The following BNC2 variants were observed in gnomAD, a reference collection of about 807,000 sequenced individuals.
The protein encoded by BNC2 is zinc finger protein basonuclin-2.
In BNC2, 20 loss-of-function variants were observed where a neutral mutation model predicts 76.3. The ratio of observed to expected loss-of-function variants is 0.26; its 90% CI spans 0.18 to 0.38. BNC2 has a LOEUF of 0.38. Among genes scored for constraint, BNC2 ranks in the 10% least tolerant of loss-of-function variants. The pLI is 1.00. For synonymous variants in BNC2, 582 were observed against 514.8 expected (o/e 1.13, Z -1.77); for missense variants, 1,382 against 1,399.8 (o/e 0.99, Z 0.20).
chr9:16,613,933 G>C (rs1377809440), intron 3 of BNC2, among the ~76,000 whole-genome samples: 2 of 152,142 alleles, frequency 1.3e-5, no homozygotes, highest in Admixed American at 1.3e-4. Flanking sequence ...CAAAAGAAAG[G>C]TAACAGTCAC....
chr9:16,806,297 G>A (rs914605386), intron 1 of BNC2, among the ~76,000 whole-genome samples: 6 of 152,086 alleles, frequency 3.9e-5, no homozygotes, highest in Admixed American at 2.0e-4. Context: ...GCAACATGGT[G>A]GGATCACTGC....
chr9:16,460,460 T>C (rs1387502303), intron 5 of BNC2, among the ~76,000 whole-genome samples: 2 of 152,078 alleles, frequency 1.3e-5, no homozygotes, highest in Admixed American at 1.3e-4. Context: ...CCGTCTCTAC[T>C]AAAAATACAA....
chr9:16,479,828 A>T (rs1049771687), intron 5 of BNC2, among the ~76,000 whole-genome samples: 1 of 152,172 alleles, frequency 6.6e-6, no homozygotes, highest in African/African-American at 2.4e-5. Context: ...GTTTATTTTA[A>T]TAGCTCGGCA....
intron 4 of BNC2, among the ~76,000 whole-genome samples, chr9:16,567,931 G>A (rs1819213826): frequency 6.6e-6 from 1 of 152,164 alleles, no homozygotes; most frequent in Admixed American, 6.6e-5. Context: ...TGTACGAAAA[G>A]GGTCTAAATG....
At chr9:16,572,833 A>G (rs1026534077) in intron 4 of BNC2, among the ~76,000 whole-genome samples, 3 of 152,114 alleles carry the variant, frequency 2.0e-5, no homozygotes, top group Admixed American at 2.0e-4. Context: ...GGATTATCAC[A>G]CCAATTCTAA....
intron 4 of BNC2, among the ~76,000 whole-genome samples, chr9:16,559,959 G>A (rs1259977778): frequency 1.3e-5 from 2 of 152,236 alleles, no homozygotes; most frequent in East Asian, 3.8e-4. Context: ...ACAGAAGAGA[G>A]GGCAATGCTG....
intron 1 of BNC2, among the ~76,000 whole-genome samples, chr9:16,793,788 C>T (rs1158170914): frequency 6.7e-5 from 10 of 150,178 alleles, no homozygotes; most frequent in African/African-American, 2.4e-4. Flanking sequence ...GCCTCAGCCT[C>T]CCGAGTAGCT....
In BNC2 at chr9:16,674,526, T is replaced by C. The variant is rs1822578717; in HGVS notation, c.330+53271A>G. On this transcript the variant is annotated intron_variant, in intron 3 of 6. Coordinates refer to ENST00000380672, the MANE Select transcript of BNC2 (RefSeq NM_017637.6). ...GATAGTCTCAGTGTAGGGAAGAAGA[T>C]GTGTGTTTACTTATTTAATCAGGCA... Among the ~76,000 whole-genome samples, 2 of 151,998 alleles carry C rather than the reference T, an allele frequency of 1.3e-5. 1 individual carries two copies. The highest frequency in any genetic ancestry group is 2.9e-5 in the Non-Finnish European group (2 of 67,952).
rs1818720661 is a variant in BNC2 at position 16,836,911 on chromosome 9, AAC to A, written c.3+33733_3+33734del. Among the ~76,000 whole-genome samples, 4 of 152,292 alleles carry A rather than the reference AAC, an allele frequency of 2.6e-5. No homozygotes were observed. In the South Asian group the frequency reaches 8.3e-4, roughly 32 times the overall value. On this transcript the variant is annotated intron_variant, in intron 1 of 6. Transcript: ENST00000380672. ...TGAGTGATAGCAGGCCACTTATATT[AAC>A]AGTGACAACTACATGTCTAAAAGGT...
At chr9:16,482,097 A>C (rs1201423923) in intron 5 of BNC2, among the ~76,000 whole-genome samples, 1 of 152,210 alleles carries the variant, frequency 6.6e-6, no homozygotes, top group African/African-American at 2.4e-5. Flanking sequence ...GTCAGTAATA[A>C]AAATATTAGT....
intron 5 of BNC2, among the ~76,000 whole-genome samples, chr9:16,488,846 C>CA (rs1210601963): frequency 6.6e-6 from 1 of 151,906 alleles, no homozygotes; most frequent in African/African-American, 2.4e-5. Flanking sequence ...AAAAAAAACC[C>CA]AAAAAACTGA....
At chr9:16,475,227 G>T (rs1208374496) in intron 5 of BNC2, among the ~76,000 whole-genome samples, 1 of 152,188 alleles carries the variant, frequency 6.6e-6, no homozygotes, top group East Asian at 1.9e-4. Flanking sequence ...TATAATAGAT[G>T]ATCTTACTGT....
At chr9:16,864,500 A>G (rs1819491528) in intron 1 of BNC2, among the ~76,000 whole-genome samples, 1 of 152,230 alleles carries the variant, frequency 6.6e-6, no homozygotes, top group Non-Finnish European at 1.5e-5. Context: ...AGCCCCGCAC[A>G]GGCAAATCTT....
chr9:16,472,994 A>G (rs1212508327), intron 5 of BNC2, among the ~76,000 whole-genome samples: 1 of 152,158 alleles, frequency 6.6e-6, no homozygotes, highest in African/African-American at 2.4e-5. Context: ...CAGAGTCCCA[A>G]GGCACATCTA....
At chr9:16,847,078 C>A (rs1252451668) in intron 1 of BNC2, among the ~76,000 whole-genome samples, 1 of 152,146 alleles carries the variant, frequency 6.6e-6, no homozygotes, top group Non-Finnish European at 1.5e-5. Context: ...AGAAAATGAT[C>A]TCTGTAGCAG....
intron 3 of BNC2, among the ~76,000 whole-genome samples, chr9:16,638,519 C>A (rs934291787): frequency 2.0e-5 from 3 of 152,110 alleles, no homozygotes; most frequent in Non-Finnish European, 2.9e-5. Flanking sequence ...CTTAAGATTA[C>A]AAGGATTTTT....
At chr9:16,719,626 T>C (rs1476223306) in intron 3 of BNC2, among the ~76,000 whole-genome samples, 1 of 152,252 alleles carries the variant, frequency 6.6e-6, no homozygotes, top group African/African-American at 2.4e-5. Context: ...AAGCTATGTC[T>C]TTCCCATACA....
chr9:16,768,517 T>A (rs1825753796), intron 1 of BNC2, among the ~76,000 whole-genome samples: 1 of 152,150 alleles, frequency 6.6e-6, no homozygotes, highest in South Asian at 2.1e-4. Context: ...TTGGGATATG[T>A]TCAATTTGAT....
intron 6 of BNC2, among the ~76,000 whole-genome samples, chr9:16,424,516 C>T (rs1466023584): frequency 1.1e-4 from 17 of 152,178 alleles, no homozygotes; most frequent in Non-Finnish European, 2.5e-4. Context: ...TGCCGTTCAA[C>T]ACACACATTC....
Sources: allele counts gnomAD v4.1 joint callset (sites outside exome capture counted in the v4.1 genomes callset), GRCh38; gene constraint gnomAD v4.1.1; transcripts MANE v1.5; gene names NCBI Gene and HGNC (gene_info 2026-07-23, HGNC 2026-07-21).